The following ACACB variants were observed in gnomAD, a reference collection of about 807,000 sequenced individuals.
The protein encoded by ACACB is acetyl-CoA carboxylase beta.
ACACB carries 209 observed loss-of-function variants against 278.8 expected under a neutral mutation model. That is an observed-to-expected ratio of 0.75 (90% confidence interval 0.67 to 0.84). The LOEUF (loss-of-function observed/expected upper bound fraction) is 0.84. Among genes scored for constraint, ACACB ranks in the 40% least tolerant of loss-of-function variants. The pLI, the probability that ACACB is intolerant of heterozygous loss-of-function variation, is 0.00. For missense variants in ACACB, 2,850 were observed against 3,269.0 expected (o/e 0.87, Z 3.13); for synonymous variants, 1,174 against 1,285.6 (o/e 0.91, Z 1.86).
At chr12:109,229,591 G>A (rs11065895) in intron 28 of ACACB, among the ~76,000 whole-genome samples, 6,664 of 152,056 alleles carry the variant, frequency 0.044, 198 homozygotes, top group Non-Finnish European at 0.064. Context: ...GTGCAACGGC[G>A]CGATCTCAGC....
At position 109,171,855 on chromosome 12, in the gene ACACB, A is replaced by G; in HGVS notation, c.976A>G (p.Asn326Asp). Residue 326 changes from asparagine (N) to aspartate (D), a missense_variant, in exon 5 of 53, where the codon AAC becomes GAC. Physicochemically the swap from Asn to Asp is conservative, Grantham distance 23. Around this residue, in one of 3 missense-constraint regions of ACACB, gnomAD observed 2,265 missense variants for 2,561.3 expected, o/e 0.88. Coordinates refer to ENST00000338432, the MANE Select transcript of ACACB (RefSeq NM_001093.4). ...HYVPVPGGPN[N>D]NNYANVELIV... ...CGTCCCCGTCCCAGGAGGGCCCAAT[A>G]ACAACAACTATGCCAACGTGGAGCT... is the stretch of plus-strand genomic sequence containing the variant. 1 of 1,614,122 alleles carries G rather than the reference A, an allele frequency of 6.2e-7. No homozygotes were observed. The highest frequency in any genetic ancestry group is 8.5e-7 in the Non-Finnish European group (1 of 1,180,024).
chr12:109,133,864 T>TATATATATATATA (rs1555202940), intron 1 of ACACB, among the ~76,000 whole-genome samples: 87 of 24,060 alleles, frequency 3.6e-3, no homozygotes, highest in African/African-American at 8.2e-3. Flanking sequence ...TATATATATA[T>TATATATATATATA]TTTTTTTTTT....
intron 22 of ACACB, among the ~76,000 whole-genome samples, chr12:109,213,941 A>C (rs893584637): frequency 1.3e-5 from 2 of 152,024 alleles, no homozygotes; most frequent in African/African-American, 4.8e-5. Flanking sequence ...AAATCCACCT[A>C]GCAAGAAGGC....
chr12:109,156,132 G>A (rs1351478593), intron 2 of ACACB, among the ~76,000 whole-genome samples: 1 of 152,202 alleles, frequency 6.6e-6, no homozygotes, highest in East Asian at 1.9e-4. Context: ...GGCTGAGGAG[G>A]GAGGATGCTT....
At chr12:109,223,050 C>T in intron 26 of ACACB, 138 bp downstream of exon 26, 2 of 718,876 alleles carry the variant, frequency 2.8e-6, no homozygotes, top group Non-Finnish European at 4.7e-6. Context: ...GACAGTTCAG[C>T]CCAATGTGGC....
At chr12:109,258,786 C>G (rs1001115586) in intron 46 of ACACB, among the ~76,000 whole-genome samples, 187 bp from the exon 47 acceptor site, 1 of 152,148 alleles carries the variant, frequency 6.6e-6, no homozygotes, top group Non-Finnish European at 1.5e-5. Context: ...TGCTGGGCTG[C>G]AATGGGAGGG....
At chr12:109,148,900 T>C (rs1316729733) in intron 2 of ACACB, among the ~76,000 whole-genome samples, 1 of 152,228 alleles carries the variant, frequency 6.6e-6, no homozygotes, top group Non-Finnish European at 1.5e-5. Context: ...TTATGAGTGA[T>C]TTAAATTTTC....
In ACACB at chr12:109,260,487, T is replaced by C. The variant is rs1384324057; in HGVS notation, c.6504T>C (p.Tyr2168=). The change falls in exon 48 of 53, where the codon TAT becomes TAC. Residue 2168 remains tyrosine (Y), a synonymous_variant. Transcript: ENST00000338432. ...GGCTGCTTTGCTTTTCAGACATGTA[T>C]GACCAGGTGCTGAAGTTTGGAGCCT... ...RGFSGGMKDM[Y]DQVLKFGAYI... The C allele has an allele frequency of 6.2e-7, 1 of 1,614,232 alleles. No homozygotes were observed. The highest frequency in any genetic ancestry group is 2.2e-5 in the East Asian group (1 of 44,878).
chr12:109,202,305 G>GTAT (rs937576327), intron 19 of ACACB, among the ~76,000 whole-genome samples: 105 of 152,090 alleles, frequency 6.9e-4, no homozygotes, highest in Middle Eastern at 3.4e-3. Context: ...TTAATTGTTA[G>GTAT]TATTATTATT....
In ACACB at chr12:109,268,072, A is replaced by G. The variant is rs1453592743; in HGVS notation, c.*1710A>G. 2.0e-5 allele frequency: 3 copies of G among 152,152 alleles called. No homozygotes were observed. The highest frequency in any genetic ancestry group is 4.4e-5 in the Non-Finnish European group (3 of 68,048). 9.4% of individuals were successfully genotyped at this position (152,152 alleles called of 1,614,324 possible). A position where few individuals can be genotyped will look rare whatever the true frequency, so the allele number is the denominator to read the frequency against. ...CCCCGAGGTTTGCTGGGGTGAGGGG[A>G]AGAATCGATGCTGCTTTGGGAACTG... On this transcript the variant is annotated 3_prime_UTR_variant, in exon 53 of 53. Coordinates refer to ENST00000338432, the MANE Select transcript of ACACB (RefSeq NM_001093.4). The surrounding 1 kb of genome is among the most constrained non-coding windows in gnomAD (Gnocchi z 4.2).
At chr12:109,259,812 C>G (rs2047331543) in intron 47 of ACACB, among the ~76,000 whole-genome samples, 1 of 152,134 alleles carries the variant, frequency 6.6e-6, no homozygotes, top group South Asian at 2.1e-4. Context: ...TTTAAGCCAC[C>G]AAGCATGTTT....
chr12:109,176,352 C>T (rs1352278836), intron 9 of ACACB, 89 bp downstream of exon 9: 2 of 1,214,108 alleles, frequency 1.6e-6, no homozygotes, highest in East Asian at 2.3e-5. Flanking sequence ...TATTCTGTGA[C>T]AGTCAAGAAG....
chr12:109,195,090 G>T (rs1383751872), intron 16 of ACACB, among the ~76,000 whole-genome samples: 1 of 152,126 alleles, frequency 6.6e-6, no homozygotes, highest in Admixed American at 6.5e-5. Context: ...GCACAGGTAG[G>T]GGGTGAGGCT....
At chr12:109,180,899 AT>A (rs770680195) in intron 11 of ACACB, among the ~76,000 whole-genome samples, 2 of 152,178 alleles carry the variant, frequency 1.3e-5, no homozygotes, top group Non-Finnish European at 2.9e-5. Context: ...GTTGTACTAT[AT>A]CAAATAGCAG....
At position 109,222,619 on chromosome 12, in the gene ACACB, AG is replaced by A; in HGVS notation, c.3678+1del. On this transcript the variant is annotated frameshift_variant and splice_region_variant, in exon 25 of 53. Coordinates refer to ENST00000338432, the MANE Select transcript of ACACB (RefSeq NM_001093.4). LOFTEE classifies it high-confidence loss of function. ...TGCAAAGTGGCCCTCAGAGCCCGGC[AG>A]GTAGGGTCTCAGGGTGCGGTCCCCA... ...EHCKVALRAR[Q>X]ILIASHLPSY... 6.2e-7 allele frequency: 1 copy of A among 1,613,784 alleles called. No individual in the cohort carries two copies. Among genetic ancestry groups the A allele is most frequent in the Non-Finnish European group, 8.5e-7 (1 of 1,179,688 alleles).
At position 109,243,889 on chromosome 12, in the gene ACACB, A is replaced by ATT. The variant is rs1206191064; in HGVS notation, c.5178+1298_5178+1299insTT. Among the ~76,000 whole-genome samples, 998 of 132,864 alleles carry ATT rather than the reference A, an allele frequency of 7.5e-3. 7 individuals are homozygous for ATT. Among genetic ancestry groups the ATT allele is most frequent in the Middle Eastern group, 0.03 (8 of 266 alleles). 87.2% of individuals were successfully genotyped at this position (132,864 alleles called of 152,430 possible). ...CTTTGGAATGACATTATATATATAT[A>ATT]TATATATTTATTTATTTATTTATTA... On this transcript the variant is annotated intron_variant, in intron 37 of 52. Coordinates refer to ENST00000338432, the MANE Select transcript of ACACB (RefSeq NM_001093.4).
In ACACB at chr12:109,158,263, T is replaced by C. The variant is rs535832870; in HGVS notation, c.654-8598T>C. On this transcript the variant is annotated intron_variant, in intron 2 of 52. Coordinates refer to ENST00000338432, the MANE Select transcript of ACACB (RefSeq NM_001093.4). Reference sequence around the variant, plus strand: ...TTTCCTGCACCAGAAGCCATAGTTATGTAATTGAACAGGCCTGGCTGTGTT... The same window carrying C: ...TTTCCTGCACCAGAAGCCATAGTTACGTAATTGAACAGGCCTGGCTGTGTT... Among the ~76,000 whole-genome samples, 27 of 152,338 alleles carry C rather than the reference T, an allele frequency of 1.8e-4. 1 individual carries two copies. The highest frequency in any genetic ancestry group is 1.6e-3 in the Admixed American group (24 of 15,294).
At chr12:109,114,273 T>C (rs1471426094), upstream of ACACB, among the ~76,000 whole-genome samples, 1 of 152,192 alleles carries the variant, frequency 6.6e-6, no homozygotes, top group East Asian at 1.9e-4. Context: ...TAATTTATGT[T>C]CTCTGCTTGT....
chr12:109,184,949 C>T (rs575503429), intron 11 of ACACB, among the ~76,000 whole-genome samples: 1 of 152,198 alleles, frequency 6.6e-6, no homozygotes, highest in African/African-American at 2.4e-5. Context: ...TAGGCTCAAG[C>T]GATCTGCCTG....
Sources: allele counts gnomAD v4.1 joint callset (sites outside exome capture counted in the v4.1 genomes callset), GRCh38; gene constraint gnomAD v4.1.1; regional missense constraint gnomAD v4.1.1; non-coding constraint Gnocchi (gnomAD v3.1); transcripts MANE v1.5; gene names NCBI Gene and HGNC (gene_info 2026-07-23, HGNC 2026-07-21).